EDEM1: variants seen among roughly 807,000 people sequenced by gnomAD.
EDEM1 encodes the protein ER degradation enhancing alpha-mannosidase like protein 1.
Under a neutral mutation model 74.4 loss-of-function variants are expected in EDEM1, and 67 were observed. That is an observed-to-expected ratio of 0.90 (90% confidence interval 0.74 to 1.10). EDEM1 has a LOEUF of 1.10. Among genes scored for constraint, EDEM1 ranks in the 50% least tolerant of loss-of-function variants. The pLI, the probability that EDEM1 is intolerant of heterozygous loss-of-function variation, is 0.00. For synonymous variants in EDEM1, 382 were observed against 335.9 expected (o/e 1.14, Z -1.50); for missense variants, 926 against 851.6 (o/e 1.09, Z -1.09).
chr3:5,197,744 C>T (rs1405050567), intron 2 of EDEM1, among the ~76,000 whole-genome samples: 1 of 152,254 alleles, frequency 6.6e-6, no homozygotes, highest in African/African-American at 2.4e-5. Flanking sequence ...GTGAAGATAG[C>T]AGTCCCCTGA....
chr3:5,194,789 G>A lies in EDEM1; in HGVS notation c.510-420G>A, dbSNP rs191050799. ...CTTCTTTTTGTGTGTAATATAGGCT[G>A]TGGTGTCTAATTTCTGTATTAAAGT... is the stretch of plus-strand genomic sequence containing the variant. On this transcript the variant is annotated intron_variant, in intron 1 of 11. Transcript: ENST00000256497. 2.6e-5 allele frequency among the ~76,000 whole-genome samples: 4 copies of A among 152,370 alleles called. No individual in the cohort carries two copies. In the East Asian group the frequency reaches 7.7e-4, roughly 29 times the overall value.
chr3:5,201,880 C>T lies in EDEM1; in HGVS notation c.814C>T (p.Leu272Phe). The T allele has an allele frequency of 6.2e-7, 1 of 1,614,132 alleles. No individual in the cohort carries two copies. The highest frequency in any genetic ancestry group is 1.7e-5 in the Admixed American group (1 of 60,012). ...YMAHDLAVRL[L>F]PAFENTKTGI... ...GGCCCATGACCTGGCGGTGCGGCTC[C>T]TCCCTGCTTTTGAAAACACCAAGAC... Residue 272 changes from leucine (L) to phenylalanine (F), a missense_variant, in exon 4 of 12, where the codon CTC becomes TTC. Leu to Phe is a conservative substitution (Grantham distance 22). Coordinates refer to ENST00000256497, the MANE Select transcript of EDEM1 (RefSeq NM_014674.3).
At chr3:5,195,454 G>A (rs1208987689) in intron 2 of EDEM1, among the ~76,000 whole-genome samples, 173 bp downstream of exon 2, 1 of 152,096 alleles carries the variant, frequency 6.6e-6, no homozygotes, top group Non-Finnish European at 1.5e-5. Context: ...GAAAAGTGTT[G>A]AAGGTTAAAT....
Position 5,208,182 on chromosome 3 carries a change from T to C in EDEM1, c.1428T>C (p.Tyr476=), listed in dbSNP as rs767266941. The part of the protein sequence containing the change: ...WKRYGALPER[Y]NWQLQAPDVL... ...GATATGGTGCCCTCCCTGAGAGATA[T>C]AACTGGCAGCTGCAGGCCCCTGACG... is the stretch of plus-strand genomic sequence containing the variant. Residue 476 remains tyrosine, a synonymous_variant, in exon 8 of 12, where the codon TAT becomes TAC. Coordinates refer to ENST00000256497, the MANE Select transcript of EDEM1 (RefSeq NM_014674.3). The C allele has an allele frequency of 6.8e-6, 11 of 1,613,794 alleles. No individual in the cohort carries two copies. The highest frequency in any genetic ancestry group is 9.3e-6 in the Non-Finnish European group (11 of 1,179,934).
At chr3:5,202,636 A>G (rs947625834) in intron 4 of EDEM1, among the ~76,000 whole-genome samples, 4 of 152,190 alleles carry the variant, frequency 2.6e-5, no homozygotes, top group Non-Finnish European at 4.4e-5. Flanking sequence ...AAGAAATTCT[A>G]TAGTTTGCCT....
intron 2 of EDEM1, among the ~76,000 whole-genome samples, chr3:5,196,349 C>T (rs1279628099): frequency 6.6e-6 from 1 of 152,072 alleles, no homozygotes. Flanking sequence ...CCCAGCTCTT[C>T]AAGAGGCTGA....
At chr3:5,201,718 C>T (rs377578367) in intron 3 of EDEM1, 35 bp from the exon 4 acceptor site, 28 of 1,611,188 alleles carry the variant, frequency 1.7e-5, no homozygotes, top group African/African-American at 5.3e-5. Context: ...ACAAGCAACA[C>T]GATTGTATTA....
At chr3:5,202,891 G>C (rs2055050174) in intron 4 of EDEM1, 75 bp from the exon 5 acceptor site, 1 of 1,401,942 alleles carries the variant, frequency 7.1e-7, no homozygotes, top group Admixed American at 1.9e-5. Context: ...GCTGAGTGTA[G>C]TCTCTGAGAC....
At chr3:5,193,103 A>G (rs2054920963) in intron 1 of EDEM1, among the ~76,000 whole-genome samples, 1 of 152,186 alleles carries the variant, frequency 6.6e-6, no homozygotes, top group African/African-American at 2.4e-5. Context: ...GGTGGATAGA[A>G]TGACACATGC....
intron 1 of EDEM1, among the ~76,000 whole-genome samples, chr3:5,190,374 C>A (rs544134545): frequency 1.8e-4 from 28 of 152,338 alleles, no homozygotes; most frequent in African/African-American, 6.5e-4. Context: ...ATTGTGATAA[C>A]ACTTTCATTT....
chr3:5,196,218 C>G (rs182064369), intron 2 of EDEM1, among the ~76,000 whole-genome samples: 1 of 152,064 alleles, frequency 6.6e-6, no homozygotes, highest in Admixed American at 6.6e-5. Flanking sequence ...GCACTTAGGG[C>G]GGTTGAGGTG....
chr3:5,209,925 G>A (rs755467501), intron 8 of EDEM1, among the ~76,000 whole-genome samples: 4 of 152,206 alleles, frequency 2.6e-5, no homozygotes, highest in Non-Finnish European at 5.9e-5. Flanking sequence ...GTAGACTATT[G>A]TTCTACCCTG....
At chr3:5,194,941 A>G (rs572787029) in intron 1 of EDEM1, among the ~76,000 whole-genome samples, 17 of 152,304 alleles carry the variant, frequency 1.1e-4, no homozygotes, top group African/African-American at 3.6e-4. Flanking sequence ...CAGAGAGGAG[A>G]TGACTCACTG....
At chr3:5,197,598 A>G (rs908189579) in intron 2 of EDEM1, among the ~76,000 whole-genome samples, 2 of 152,154 alleles carry the variant, frequency 1.3e-5, no homozygotes, top group African/African-American at 2.4e-5. Flanking sequence ...AAACAGACTC[A>G]TCTCTGTGGT....
rs2106596268 is a variant in EDEM1 at position 5,201,799 on chromosome 3, A to C, written c.733A>C (p.Lys245Gln). 1 of 1,614,160 alleles carries C rather than the reference A, an allele frequency of 6.2e-7. No homozygotes were observed. The highest frequency in any genetic ancestry group is 1.6e-4 in the Middle Eastern group (1 of 6,062). ...TGCTCACAGAATAATAACTGACTCCAAGCAGCCCTTTGGTGACATGACAAT... is the reference window on the plus strand; with the variant it reads ...TGCTCACAGAATAATAACTGACTCCCAGCAGCCCTTTGGTGACATGACAAT... Reference protein sequence around the residue: ...LSAHRIITDSKQPFGDMTIKD... With the variant: ...LSAHRIITDSQQPFGDMTIKD... Residue 245 changes from lysine to glutamine, a missense_variant, in exon 4 of 12, where the codon AAG becomes CAG. Transcript: ENST00000256497.
Position 5,205,229 on chromosome 3 carries a change from A to G in EDEM1, c.1205A>G (p.Tyr402Cys). 6.2e-7 allele frequency: 1 copy of G among 1,613,634 alleles called. No homozygotes were observed. Residue 402 changes from tyrosine (Y) to cysteine (C), a missense_variant, in exon 6 of 12, where the codon TAC becomes TGC. Coordinates refer to ENST00000256497, the MANE Select transcript of EDEM1 (RefSeq NM_014674.3). ...FNAAYQSIQN[Y>C]LRRGREACNE... ...GCTGCATATCAGAGTATTCAGAACTACTTAAGAAGAGGGTATGTCTCCCTA... is the reference window on the plus strand; with the variant it reads ...GCTGCATATCAGAGTATTCAGAACTGCTTAAGAAGAGGGTATGTCTCCCTA...
chr3:5,207,329 T>G, intron 7 of EDEM1, 56 bp downstream of exon 7: 1 of 1,599,386 alleles, frequency 6.3e-7, no homozygotes, highest in Middle Eastern at 1.7e-4. Context: ...GGCTTCTCCC[T>G]CCTTTTCTTT....
At chr3:5,205,013 A>T (rs2055077374) in intron 5 of EDEM1, 54 bp from the exon 6 acceptor site, 1 of 1,588,066 alleles carries the variant, frequency 6.3e-7, no homozygotes, top group Middle Eastern at 1.8e-4. Context: ...GTCTCCATTC[A>T]TGTCCTCCCC....
rs758984114 is a variant in EDEM1, at chr3:5,215,886, C to T, written c.1942C>T (p.Arg648Ter). The change falls in exon 12 of 12, where the codon CGA becomes TGA. Residue 648 changes from arginine to a stop codon, truncating the protein, a stop_gained. Coordinates refer to ENST00000256497, the MANE Select transcript of EDEM1 (RefSeq NM_014674.3). LOFTEE classifies it high-confidence loss of function. The stretch of plus-strand genomic sequence containing the variant: ...CCTGCCCTTAAAGAGCATCTACATG[C>T]GACAGATTGACCAGATGGTTGGTTT... ...YSLPLKSIYM[R>*]QIDQMVGLI The T allele has an allele frequency of 1.1e-5, 18 of 1,612,918 alleles. No individual in the cohort carries two copies. Among genetic ancestry groups the T allele is most frequent in the East Asian group, 2.2e-5 (1 of 44,818 alleles).
Sources: gnomAD v4.1 joint callset for allele counts (sites outside exome capture counted in the v4.1 genomes callset) on GRCh38, gnomAD v4.1.1 for gene constraint, MANE v1.5 for transcripts, NCBI Gene and HGNC (gene_info 2026-07-23, HGNC 2026-07-21) for gene names.